The following PID1 variants were observed in gnomAD, a reference collection of about 807,000 sequenced individuals.
PID1 encodes phosphotyrosine interaction domain containing 1, also known as PTB-containing, cubilin and LRP1-interacting protein.
PID1 carries 10 observed loss-of-function variants against 19.1 expected under a neutral mutation model. The ratio of observed to expected loss-of-function variants is 0.52; its 90% confidence interval spans 0.32 to 0.89. PID1 has a LOEUF of 0.89. Among genes scored for constraint, PID1 ranks in the 40% least tolerant of loss-of-function variants. The pLI, the probability that PID1 is intolerant of heterozygous loss-of-function variation, is 0.03. For missense variants in PID1, 248 were observed against 285.3 expected (o/e 0.87, Z 0.94); for synonymous variants, 130 against 116.0 (o/e 1.12, Z -0.78).
intron 2 of PID1, among the ~76,000 whole-genome samples, chr2:229,100,039 G>A (rs2106227109): frequency 6.6e-6 from 1 of 152,232 alleles, no homozygotes; most frequent in South Asian, 2.1e-4. Context: ...ACACCAGAGA[G>A]CTTGCCTCCT....
intron 1 of PID1, among the ~76,000 whole-genome samples, chr2:229,255,902 T>C (rs914460649): frequency 1.3e-5 from 2 of 152,082 alleles, no homozygotes; most frequent in Non-Finnish European, 2.9e-5. Context: ...GCTCTCAAAA[T>C]AGAGGGGACA....
At chr2:229,078,383 CT>C (rs1424539811) in intron 2 of PID1, among the ~76,000 whole-genome samples, 1 of 152,142 alleles carries the variant, frequency 6.6e-6, no homozygotes, top group African/African-American at 2.4e-5. Flanking sequence ...TTTGAATACC[CT>C]TGTGTCTTTC....
At chr2:229,259,369 A>G (rs1233316118) in intron 1 of PID1, among the ~76,000 whole-genome samples, 1 of 152,148 alleles carries the variant, frequency 6.6e-6, no homozygotes, top group Non-Finnish European at 1.5e-5. Context: ...TAATTTTGAT[A>G]AAGTCCAATT....
chr2:229,179,120 A>C (rs1380533893), intron 1 of PID1, among the ~76,000 whole-genome samples: 1 of 152,078 alleles, frequency 6.6e-6, no homozygotes, highest in Non-Finnish European at 1.5e-5. Flanking sequence ...ACCATCAACA[A>C]ATCTTACCCC....
chr2:229,262,833 G>A (rs1287984857), intron 1 of PID1: 1 of 1,550,084 alleles, frequency 6.5e-7, no homozygotes, highest in East Asian at 2.4e-5. Context: ...CATAACTCCG[G>A]TTTCTGCCTT....
intron 1 of PID1, among the ~76,000 whole-genome samples, chr2:229,182,056 G>A (rs1690957196): frequency 6.6e-6 from 1 of 152,150 alleles, no homozygotes. Flanking sequence ...TTTGAAGGGA[G>A]GGAGGAATGA....
intron 1 of PID1, among the ~76,000 whole-genome samples, chr2:229,199,544 T>A (rs1180256141): frequency 6.6e-6 from 1 of 151,860 alleles, no homozygotes; most frequent in Non-Finnish European, 1.5e-5. Flanking sequence ...CTATCTTTTT[T>A]CAAATAATAA....
At chr2:229,040,357 A>T (rs1295337492) in intron 2 of PID1, among the ~76,000 whole-genome samples, 1 of 152,020 alleles carries the variant, frequency 6.6e-6, no homozygotes, top group Non-Finnish European at 1.5e-5. Context: ...AGTAAAAAAA[A>T]TTGTTTTGTG....
intron 2 of PID1, among the ~76,000 whole-genome samples, chr2:229,085,862 A>C (rs1694754151): frequency 6.6e-6 from 1 of 152,160 alleles, no homozygotes. Flanking sequence ...AGCATGAGGA[A>C]GCATTCAAGA....
chr2:229,209,903 A>G (rs945258352), intron 1 of PID1, among the ~76,000 whole-genome samples: 4 of 152,202 alleles, frequency 2.6e-5, no homozygotes, highest in African/African-American at 9.7e-5. Context: ...TTAGGATCAC[A>G]TTGATAGCAG....
chr2:229,040,167 C>A (rs1377061057), intron 2 of PID1, among the ~76,000 whole-genome samples: 3 of 149,920 alleles, frequency 2.0e-5, no homozygotes. Flanking sequence ...GCCAGCAATC[C>A]CAGCACATTG....
intron 1 of PID1, among the ~76,000 whole-genome samples, chr2:229,163,516 T>TATTA (rs1690530951): frequency 6.6e-6 from 1 of 151,108 alleles, no homozygotes; most frequent in Non-Finnish European, 1.5e-5. Context: ...TTTTTTTACC[T>TATTA]TCCCAGAGTC....
intron 2 of PID1, among the ~76,000 whole-genome samples, chr2:229,126,039 C>T (rs947680990): frequency 4.6e-5 from 7 of 152,100 alleles, no homozygotes; most frequent in Admixed American, 2.6e-4. Flanking sequence ...CATAGTTATA[C>T]AGCCTAATTT....
At chr2:229,057,269 C>A (rs1694122074) in intron 2 of PID1, among the ~76,000 whole-genome samples, 1 of 152,002 alleles carries the variant, frequency 6.6e-6, no homozygotes, top group African/African-American at 2.4e-5. Context: ...GAAACCCCAT[C>A]TCTACAAAAA....
At chr2:229,079,465 G>C (rs191997663) in intron 2 of PID1, among the ~76,000 whole-genome samples, 1 of 152,288 alleles carries the variant, frequency 6.6e-6, no homozygotes, top group East Asian at 1.9e-4. Flanking sequence ...AGAAAGATTT[G>C]AGTCTCTTTC....
intron 2 of PID1, among the ~76,000 whole-genome samples, chr2:229,072,731 G>A (rs942517191): frequency 5.3e-5 from 8 of 152,074 alleles, no homozygotes; most frequent in African/African-American, 1.7e-4. Flanking sequence ...GTTGTGCTTC[G>A]CTGTTTTCAA....
intron 1 of PID1, among the ~76,000 whole-genome samples, chr2:229,261,466 C>T (rs550654408): frequency 9.2e-5 from 14 of 152,294 alleles, no homozygotes; most frequent in African/African-American, 3.1e-4. Flanking sequence ...GCTTGTACAG[C>T]AGGATTCCGC....
At chr2:229,225,216 C>T (rs574176374) in intron 1 of PID1, among the ~76,000 whole-genome samples, 1 of 152,266 alleles carries the variant, frequency 6.6e-6, no homozygotes, top group South Asian at 2.1e-4. Flanking sequence ...CCCTGAGCTT[C>T]AGTCTTCTCA....
intron 2 of PID1, among the ~76,000 whole-genome samples, chr2:229,087,123 G>A (rs191296753): frequency 9.9e-5 from 15 of 152,046 alleles, no homozygotes. Flanking sequence ...AAATTCACTG[G>A]GTAACTGCTT....
Sources: allele counts gnomAD v4.1 joint callset (sites outside exome capture counted in the v4.1 genomes callset), GRCh38; gene constraint gnomAD v4.1.1; transcripts MANE v1.5; gene names NCBI Gene and HGNC (gene_info 2026-07-23, HGNC 2026-07-21).